CYRIA: variants seen among roughly 807,000 people sequenced by gnomAD.
CYRIA encodes the protein CYFIP-related Rac1 interactor A.
Under a neutral mutation model 43.9 loss-of-function variants are expected in CYRIA, and 15 were observed. The ratio of observed to expected loss-of-function variants is 0.34; its 90% CI spans 0.23 to 0.53. The LOEUF (loss-of-function observed/expected upper bound fraction) is 0.53. CYRIA is among the 20% of genes least tolerant of loss of function. The probability of loss-of-function intolerance (pLI) is 0.94; values close to 1 mark genes in which losing one functional copy is unlikely to be tolerated. For missense variants in CYRIA, 236 were observed against 394.2 expected (o/e 0.60, Z 3.40); for synonymous variants, 117 against 136.0 (o/e 0.86, Z 0.97).
intron 1 of CYRIA, among the ~76,000 whole-genome samples, chr2:16,659,282 AG>A (rs1416498654): frequency 1.3e-5 from 2 of 152,228 alleles, no homozygotes; most frequent in Non-Finnish European, 2.9e-5. Flanking sequence ...CAGGCTTTGA[AG>A]GCACACAGAT....
intron 1 of CYRIA, among the ~76,000 whole-genome samples, chr2:16,632,825 G>A (rs1268994459): frequency 1.3e-5 from 2 of 152,134 alleles, no homozygotes; most frequent in Non-Finnish European, 2.9e-5. Flanking sequence ...CAATAGCACA[G>A]CTGCTCTTGT....
chr2:16,560,720 C>T (rs1033727765), intron 9 of CYRIA: 5 of 486,136 alleles, frequency 1.0e-5, no homozygotes, highest in African/African-American at 9.7e-5. Context: ...AGATCTTCTA[C>T]AGCATCTGTG....
chr2:16,612,368 G>A (rs1319651729), intron 2 of CYRIA, among the ~76,000 whole-genome samples: 1 of 151,616 alleles, frequency 6.6e-6, no homozygotes, highest in African/African-American at 2.4e-5. Flanking sequence ...AAGGAAGAAA[G>A]AGAAAAGGAG....
At chr2:16,651,235 C>T (rs1669967665) in intron 1 of CYRIA, among the ~76,000 whole-genome samples, 20 of 152,220 alleles carry the variant, frequency 1.3e-4, no homozygotes, top group Admixed American at 1.3e-3. Context: ...CTCCTGTATA[C>T]CCACAGATGC....
intron 2 of CYRIA, among the ~76,000 whole-genome samples, chr2:16,622,024 A>C (rs1011021724): frequency 1.3e-5 from 2 of 152,166 alleles, no homozygotes; most frequent in Non-Finnish European, 2.9e-5. Context: ...CTACTGACTG[A>C]ATGGATGACT....
intron 3 of CYRIA, among the ~76,000 whole-genome samples, chr2:16,568,049 G>T (rs976236848): frequency 6.6e-6 from 1 of 152,074 alleles, no homozygotes; most frequent in Non-Finnish European, 1.5e-5. Flanking sequence ...AAGGGAAAAA[G>T]ACATTTATTA....
intron 2 of CYRIA, among the ~76,000 whole-genome samples, chr2:16,615,445 C>T (rs1326151260): frequency 6.6e-6 from 1 of 152,190 alleles, no homozygotes; most frequent in Non-Finnish European, 1.5e-5. Context: ...TACATTGTAA[C>T]CAGGGATAGG....
At chr2:16,588,237 C>A in intron 2 of CYRIA, 108 bp from the exon 3 acceptor site, 1 of 623,608 alleles carries the variant, frequency 1.6e-6, no homozygotes. Context: ...AGAAAGAGAG[C>A]ATCTCCAACC....
At chr2:16,558,681 T>C (rs1666616105) in intron 10 of CYRIA, among the ~76,000 whole-genome samples, 1 of 152,160 alleles carries the variant, frequency 6.6e-6, no homozygotes, top group African/African-American at 2.4e-5. Flanking sequence ...ATTCATTCAT[T>C]CATCCATCAA....
intron 1 of CYRIA, among the ~76,000 whole-genome samples, chr2:16,657,423 T>A (rs886687428): frequency 1.3e-5 from 2 of 152,058 alleles, no homozygotes; most frequent in African/African-American, 2.4e-5. Context: ...AAATTTTTTT[T>A]AAAATGACTT....
At chr2:16,607,149 G>C (rs1233887670) in intron 2 of CYRIA, among the ~76,000 whole-genome samples, 1 of 152,158 alleles carries the variant, frequency 6.6e-6, no homozygotes, top group African/African-American at 2.4e-5. Flanking sequence ...AATTGCCCTT[G>C]TTTCAACGTA....
At chr2:16,571,496 G>A (rs150879644) in intron 3 of CYRIA, among the ~76,000 whole-genome samples, 117 of 152,266 alleles carry the variant, frequency 7.7e-4, no homozygotes, top group African/African-American at 1.3e-3. Context: ...TTTATAGATC[G>A]GCCAAGGACT....
intron 10 of CYRIA, among the ~76,000 whole-genome samples, chr2:16,557,576 C>A (rs535892803): frequency 6.6e-6 from 1 of 152,066 alleles, no homozygotes; most frequent in African/African-American, 2.4e-5. Flanking sequence ...AATGGTTTAC[C>A]GTGCTTATTA....
At chr2:16,661,153 T>C (rs1670242614) in intron 1 of CYRIA, among the ~76,000 whole-genome samples, 1 of 151,936 alleles carries the variant, frequency 6.6e-6, no homozygotes, top group Non-Finnish European at 1.5e-5. Flanking sequence ...TGCACACCTG[T>C]GGTCCCAGCT....
chr2:16,651,361 C>A (rs1669972155), intron 1 of CYRIA, among the ~76,000 whole-genome samples: 1 of 152,306 alleles, frequency 6.6e-6, no homozygotes, highest in Admixed American at 6.5e-5. Context: ...TATACGTGTG[C>A]ATGTTTGTAA....
rs187376796 is a variant in CYRIA at position 16,650,148 on chromosome 2, A to T, written c.-167+15632T>A. 4.5e-4 allele frequency among the ~76,000 whole-genome samples: 68 copies of T among 152,318 alleles called. 1 individual carries two copies. The East Asian group carries it at 9.6e-3, about 22-fold the overall frequency. On this transcript the variant is annotated intron_variant, in intron 1 of 11. Coordinates refer to ENST00000381323, the MANE Select transcript of CYRIA (RefSeq NM_030797.4). This position sits in a 1 kb window ranked among gnomAD's most constrained non-coding sequence, Gnocchi z 4.1. Reference sequence around the variant, plus strand: ...AGCAAGACAGTCGTCGCCATCAGCCACTGAGATTTGGGGGTTATTTCTGAC... The same window carrying T: ...AGCAAGACAGTCGTCGCCATCAGCCTCTGAGATTTGGGGGTTATTTCTGAC...
intron 1 of CYRIA, among the ~76,000 whole-genome samples, chr2:16,653,798 G>A (rs1322046696): frequency 6.6e-6 from 1 of 152,212 alleles, no homozygotes; most frequent in African/African-American, 2.4e-5. Context: ...GTCTGTCCAG[G>A]CAAAGAAAGG....
Position 16,631,695 on chromosome 2 carries a change from T to C in CYRIA, c.-166-7676A>G, listed in dbSNP as rs554006076. On this transcript the variant is annotated intron_variant, in intron 1 of 11. Coordinates refer to ENST00000381323, the MANE Select transcript of CYRIA (RefSeq NM_030797.4). ...AAAGTGACCAGTGCAGTATTTAGTATCTATTTGAATTTCAGCAAATACTAC... is the reference window on the plus strand; with the variant it reads ...AAAGTGACCAGTGCAGTATTTAGTACCTATTTGAATTTCAGCAAATACTAC... 5.3e-5 allele frequency among the ~76,000 whole-genome samples: 8 copies of C among 152,340 alleles called. No individual in the cohort carries two copies. In the South Asian group the frequency reaches 1.5e-3, roughly 28 times the overall value.
intron 1 of CYRIA, among the ~76,000 whole-genome samples, chr2:16,656,366 A>G (rs1022108906): frequency 1.3e-5 from 2 of 152,034 alleles, no homozygotes; most frequent in African/African-American, 4.8e-5. Context: ...CACACATCAT[A>G]CTTATACACT....
Sources: gnomAD v4.1 joint callset for allele counts (sites outside exome capture counted in the v4.1 genomes callset) on GRCh38, gnomAD v4.1.1 for gene constraint, Gnocchi (gnomAD v3.1) non-coding constraint, MANE v1.5 for transcripts, NCBI Gene and HGNC (gene_info 2026-07-23, HGNC 2026-07-21) for gene names.